The following GABRG3 variants were observed in gnomAD, a reference collection of about 807,000 sequenced individuals.
GABRG3 encodes gamma-aminobutyric acid receptor subunit gamma-3.
In GABRG3, 25 loss-of-function variants were observed where a neutral mutation model predicts 48.8. The observed-to-expected ratio is 0.51, with a 90% CI of 0.37 to 0.72. The LOEUF is 0.72. GABRG3 is among the 30% of genes least tolerant of loss of function. The probability of loss-of-function intolerance (pLI) is 0.00; values close to 1 mark genes in which losing one functional copy is unlikely to be tolerated. For synonymous variants in GABRG3, 227 were observed against 217.6 expected (o/e 1.04, Z -0.38); for missense variants, 394 against 577.9 (o/e 0.68, Z 3.26).
At chr15:27,365,887 G>T (rs1175285842) in intron 5 of GABRG3, 1 of 152,094 alleles carries the variant, frequency 6.6e-6, no homozygotes, top group Admixed American at 6.5e-5. Context: ...AGCATCAAAA[G>T]CCAAAAAATA....
At chr15:27,332,259 C>A (rs1893826114) in intron 5 of GABRG3, among the ~76,000 whole-genome samples, 1 of 152,178 alleles carries the variant, frequency 6.6e-6, no homozygotes. Context: ...CTCATGCCTG[C>A]AATCCCAGAA....
At chr15:27,092,176 G>A (rs1897197778) in intron 3 of GABRG3, among the ~76,000 whole-genome samples, 1 of 152,070 alleles carries the variant, frequency 6.6e-6, no homozygotes, top group East Asian at 1.9e-4. Context: ...CATTCACCCC[G>A]GGCTTCTGTG....
intron 5 of GABRG3, among the ~76,000 whole-genome samples, chr15:27,454,646 A>G (rs1889210102): frequency 6.6e-6 from 1 of 152,170 alleles, no homozygotes; most frequent in Non-Finnish European, 1.5e-5. Context: ...CACACATCAC[A>G]TTTTGTTTTT....
intron 3 of GABRG3, among the ~76,000 whole-genome samples, chr15:27,135,642 C>G (rs1055847652): frequency 6.6e-6 from 1 of 152,132 alleles, no homozygotes; most frequent in African/African-American, 2.4e-5. Context: ...CGCAGTGGCT[C>G]AAGCCTGTAA....
chr15:27,520,822 G>A (rs1386812822), intron 7 of GABRG3, among the ~76,000 whole-genome samples: 1 of 150,850 alleles, frequency 6.6e-6, no homozygotes, highest in African/African-American at 2.4e-5. Context: ...TAGAAAAGAG[G>A]AAGCTGTCTC....
intron 3 of GABRG3, among the ~76,000 whole-genome samples, chr15:27,269,711 A>G (rs1891023582): frequency 6.6e-6 from 1 of 152,176 alleles, no homozygotes; most frequent in Non-Finnish European, 1.5e-5. Flanking sequence ...ACATGAGTAC[A>G]TTTATGGGCT....
intron 5 of GABRG3, among the ~76,000 whole-genome samples, chr15:27,456,479 C>T (rs1022947351): frequency 1.3e-5 from 2 of 152,176 alleles, no homozygotes; most frequent in African/African-American, 2.4e-5. Flanking sequence ...TGGGCCCCCC[C>T]GGGAAGGACC....
intron 3 of GABRG3, among the ~76,000 whole-genome samples, chr15:27,078,105 A>G (rs1022038845): frequency 6.6e-6 from 1 of 152,162 alleles, no homozygotes; most frequent in African/African-American, 2.4e-5. Flanking sequence ...AGTGCCGGAT[A>G]GTTGGTCAAA....
chr15:27,254,169 C>T (rs969117749), intron 3 of GABRG3, among the ~76,000 whole-genome samples: 1 of 152,134 alleles, frequency 6.6e-6, no homozygotes, highest in African/African-American at 2.4e-5. Flanking sequence ...AATGCAGGTC[C>T]CTGGCCTTCA....
At chr15:27,313,258 G>GTATATATATATATATATATA (rs1893070652) in intron 3 of GABRG3, among the ~76,000 whole-genome samples, 1 of 53,052 alleles carries the variant, frequency 1.9e-5, no homozygotes, top group South Asian at 7.2e-4. Context: ...GTGTGTGTGT[G>GTATATATATATATATATATA]TGTGTATATA....
At chr15:27,272,590 A>G (rs1449712140) in intron 3 of GABRG3, among the ~76,000 whole-genome samples, 4 of 152,194 alleles carry the variant, frequency 2.6e-5, no homozygotes, top group African/African-American at 9.6e-5. Context: ...TCAGGGCTGA[A>G]TCATCCACAC....
intron 2 of GABRG3, among the ~76,000 whole-genome samples, chr15:27,016,808 T>A (rs1227923276): frequency 6.6e-6 from 1 of 152,178 alleles, no homozygotes. Flanking sequence ...TTTTTGCTTG[T>A]CTTGATAATT....
chr15:27,045,650 A>T (rs994048112), intron 3 of GABRG3, among the ~76,000 whole-genome samples: 8 of 152,126 alleles, frequency 5.3e-5, no homozygotes, highest in African/African-American at 1.9e-4. Context: ...GCAGGTGCAC[A>T]CTCATGGAAG....
chr15:27,342,592 C>A (rs909041886), intron 5 of GABRG3, among the ~76,000 whole-genome samples: 1 of 152,258 alleles, frequency 6.6e-6, no homozygotes, highest in Non-Finnish European at 1.5e-5. Flanking sequence ...TTCGCAGATT[C>A]TCAGGGCATT....
chr15:27,034,759 A>G (rs1248554161), intron 3 of GABRG3, among the ~76,000 whole-genome samples: 1 of 152,180 alleles, frequency 6.6e-6, no homozygotes, highest in African/African-American at 2.4e-5. Context: ...CCTTGTAAAT[A>G]TGTGTCAAGT....
intron 3 of GABRG3, chr15:27,271,604 TCAG>T (rs1891093077): frequency 1.3e-5 from 6 of 455,748 alleles, no homozygotes; most frequent in African/African-American, 1.2e-4. Context: ...AGTCAGTCAG[TCAG>T]TCACAAACAT....
chr15:27,214,508 A>G (rs34816242), intron 3 of GABRG3, among the ~76,000 whole-genome samples: 80,827 of 151,764 alleles, frequency 0.53, 21,665 homozygotes, highest in East Asian at 0.66. Context: ...TAAGCTACGT[A>G]TGAAGAAAAA....
At chr15:27,026,871 G>T (rs1895993202) in intron 3 of GABRG3, 50 bp downstream of exon 3, 1 of 1,270,374 alleles carries the variant, frequency 7.9e-7, no homozygotes, top group Non-Finnish European at 1.1e-6. Context: ...ACCTCTTCTT[G>T]TTACATTCTC....
intron 3 of GABRG3, among the ~76,000 whole-genome samples, chr15:27,081,449 A>G (rs1043642216): frequency 7.2e-5 from 11 of 152,270 alleles, no homozygotes; most frequent in Admixed American, 1.3e-4. Context: ...TTAATAAATT[A>G]TTGAATATTA....
Sources: gnomAD v4.1 joint callset for allele counts (sites outside exome capture counted in the v4.1 genomes callset) on GRCh38, gnomAD v4.1.1 for gene constraint, MANE v1.5 for transcripts, NCBI Gene and HGNC (gene_info 2026-07-23, HGNC 2026-07-21) for gene names.